MTA3: variants seen among roughly 807,000 people sequenced by gnomAD.
MTA3 encodes the protein metastasis-associated protein MTA3.
A neutral mutation model predicts 83.5 loss-of-function variants in MTA3; 34 were observed. The ratio of observed to expected loss-of-function variants is 0.41; its 90% confidence interval spans 0.31 to 0.54. The LOEUF (loss-of-function observed/expected upper bound fraction) is 0.54, where lower values mean the gene tolerates loss of function less well. MTA3 is among the 20% of genes least tolerant of loss of function. MTA3 has a pLI of 0.33. For synonymous variants in MTA3, 303 were observed against 252.7 expected (o/e 1.20, Z -1.89); for missense variants, 761 against 726.4 (o/e 1.05, Z -0.55).
chr2:42,518,625 G>T (rs1418735712), intron 2 of MTA3, among the ~76,000 whole-genome samples: 1 of 152,122 alleles, frequency 6.6e-6, no homozygotes, highest in East Asian at 1.9e-4. Context: ...CCTGAAGGAG[G>T]TTGATCATAA....
intron 3 of MTA3, among the ~76,000 whole-genome samples, chr2:42,598,214 T>C (rs944634796): frequency 2.6e-5 from 4 of 151,916 alleles, no homozygotes; most frequent in Admixed American, 6.6e-5. Context: ...CTGGGACTAT[T>C]GCCACCACAC....
At chr2:42,696,526 A>T (rs973792016) in intron 10 of MTA3, among the ~76,000 whole-genome samples, 10 of 151,052 alleles carry the variant, frequency 6.6e-5, no homozygotes, top group Non-Finnish European at 1.3e-4. Context: ...AATATATTTA[A>T]CACAGACATT....
At chr2:42,725,414 G>A (rs1159395620) in intron 16 of MTA3, among the ~76,000 whole-genome samples, 2 of 152,196 alleles carry the variant, frequency 1.3e-5, no homozygotes, top group Non-Finnish European at 1.5e-5. Context: ...CAAATGCACT[G>A]TATTAGGTTC....
chr2:42,647,704 A>T (rs1398341276), intron 6 of MTA3, among the ~76,000 whole-genome samples: 1 of 152,168 alleles, frequency 6.6e-6, no homozygotes, highest in Non-Finnish European at 1.5e-5. Flanking sequence ...TATCGATTTT[A>T]TTGAAAAATA....
intron 16 of MTA3, among the ~76,000 whole-genome samples, chr2:42,748,548 A>G (rs1204247488): frequency 6.6e-6 from 1 of 152,126 alleles, no homozygotes; most frequent in Non-Finnish European, 1.5e-5. Context: ...CAGATTTCCA[A>G]TTAGTTATAC....
chr2:42,692,265 A>G (rs368225195), intron 9 of MTA3, among the ~76,000 whole-genome samples: 1 of 151,856 alleles, frequency 6.6e-6, no homozygotes, highest in African/African-American at 2.4e-5. Context: ...ACTCTGATGC[A>G]TTTTTTCAGC....
intron 9 of MTA3, among the ~76,000 whole-genome samples, chr2:42,691,290 GT>G (rs1692875374): frequency 6.6e-6 from 1 of 152,128 alleles, no homozygotes; most frequent in South Asian, 2.1e-4. Flanking sequence ...GATTACAGGC[GT>G]GAGCCACCAC....
chr2:42,722,851 T>C (rs1201706017), intron 15 of MTA3, 38 bp from the exon 16 acceptor site: 8 of 1,548,098 alleles, frequency 5.2e-6, no homozygotes, highest in East Asian at 4.9e-5. Flanking sequence ...ATTTTTAATA[T>C]CATGTTCTGA....
At chr2:42,618,808 A>G (rs1310667670) in intron 4 of MTA3, among the ~76,000 whole-genome samples, 1 of 152,020 alleles carries the variant, frequency 6.6e-6, no homozygotes, top group Non-Finnish European at 1.5e-5. Context: ...TTCGGGTCTC[A>G]TATTATTGTC....
At position 42,707,893 on chromosome 2, in the gene MTA3, T is replaced by C; in HGVS notation, c.1151-10T>C. 1 of 1,515,186 alleles carries C rather than the reference T, an allele frequency of 6.6e-7. No individual in the cohort carries two copies. The highest frequency in any genetic ancestry group is 8.8e-7 in the Non-Finnish European group (1 of 1,132,530). 93.9% of individuals were successfully genotyped at this position (1,515,186 alleles called of 1,614,324 possible). On this transcript the variant is annotated splice_polypyrimidine_tract_variant and intron_variant, in intron 12 of 16. Transcript: ENST00000405094. Reference sequence around the variant, plus strand: ...ATTTTTCGTTTTTTCTTATTTTTCTTCTGCTTTAGCTACACAGTCTCACCA... The same window carrying C: ...ATTTTTCGTTTTTTCTTATTTTTCTCCTGCTTTAGCTACACAGTCTCACCA...
At chr2:42,592,839 G>A (rs1345198914) in intron 3 of MTA3, among the ~76,000 whole-genome samples, 1 of 151,974 alleles carries the variant, frequency 6.6e-6, no homozygotes, top group Non-Finnish European at 1.5e-5. Context: ...TCCTTAATGA[G>A]TAGAAAGAAT....
Position 42,753,419 on chromosome 2 carries a change from A to G in MTA3, c.*20A>G, listed in dbSNP as rs1670028795. 1.3e-6 allele frequency: 2 copies of G among 1,550,498 alleles called. No homozygotes were observed. Among genetic ancestry groups the G allele is most frequent in the Non-Finnish European group, 1.7e-6 (2 of 1,146,934 alleles). On this transcript the variant is annotated 3_prime_UTR_variant, in exon 17 of 17. Transcript: ENST00000405094. ...GACTGAGCTTTCCCTGATTCATTCT[A>G]CAATCCAAGACTTGCTGCACTGTCC...
At chr2:42,525,951 C>T (rs1017993683) in intron 2 of MTA3, among the ~76,000 whole-genome samples, 2 of 151,498 alleles carry the variant, frequency 1.3e-5, no homozygotes, top group East Asian at 2.0e-4. Flanking sequence ...TGAGCCACCG[C>T]GCCTGCCCTA....
intron 2 of MTA3, among the ~76,000 whole-genome samples, chr2:42,522,730 C>A (rs1172928363): frequency 6.6e-6 from 1 of 150,978 alleles, no homozygotes; most frequent in Non-Finnish European, 1.5e-5. Context: ...GAGAGAGAGA[C>A]CCTGTCTCAG....
rs1670082178 is a variant in MTA3 at position 42,754,138 on chromosome 2, C to G, written c.*739C>G. 3 of 985,306 alleles carry G rather than the reference C, an allele frequency of 3.0e-6. No individual in the cohort carries two copies. The highest frequency in any genetic ancestry group is 6.1e-5 in the Admixed American group (1 of 16,266). The allele number at this position is 985,306 out of a possible 1,614,324, so 61.0% of individuals were successfully genotyped here. A position where few individuals can be genotyped will look rare whatever the true frequency, so the allele number is the denominator to read the frequency against. ...CGGCTCTGCTTGGTCACAGACAGCT[C>G]CAGCAAGAGCAGTTGTTAAAAGTGC... On this transcript the variant is annotated 3_prime_UTR_variant, in exon 17 of 17. Transcript: ENST00000405094.
intron 2 of MTA3, chr2:42,532,871 G>T: frequency 2.9e-6 from 1 of 350,378 alleles, no homozygotes. Context: ...GTTGAACCCA[G>T]GCACCTTTCT....
Position 42,609,496 on chromosome 2 carries a change from G to T in MTA3, c.229G>T (p.Asp77Tyr). 6.2e-7 allele frequency: 1 copy of T among 1,613,908 alleles called. No homozygotes were observed. Among genetic ancestry groups the T allele is most frequent in the Non-Finnish European group, 8.5e-7 (1 of 1,179,832 alleles). ...EEESETTVEA[D>Y]LTDKQKHQLK... ...AGAATCTGAAACAACAGTTGAGGCTGACTTGACCGATAAGCAGAAACATCA... is the reference window on the plus strand; with the variant it reads ...AGAATCTGAAACAACAGTTGAGGCTTACTTGACCGATAAGCAGAAACATCA... Residue 77 changes from aspartate to tyrosine, a missense_variant, in exon 4 of 17, where the codon GAC (aspartate) becomes TAC (tyrosine). Transcript: ENST00000405094.
chr2:42,627,282 T>C (rs1193339468), intron 4 of MTA3, among the ~76,000 whole-genome samples: 6 of 152,140 alleles, frequency 3.9e-5, no homozygotes. Context: ...CTCCCTATGT[T>C]GTCCAGGGTG....
chr2:42,735,316 A>G (rs1466630862), intron 16 of MTA3, among the ~76,000 whole-genome samples: 4 of 152,160 alleles, frequency 2.6e-5, no homozygotes, highest in African/African-American at 4.8e-5. Context: ...GGTTTCCACT[A>G]AGAAGTCTGC....
Sources: allele counts gnomAD v4.1 joint callset (sites outside exome capture counted in the v4.1 genomes callset), GRCh38; gene constraint gnomAD v4.1.1; transcripts MANE v1.5; gene names NCBI Gene and HGNC (gene_info 2026-07-23, HGNC 2026-07-21).